Variants in SHISA7 observed in about 807,000 individuals in gnomAD.
The protein encoded by SHISA7 is shisa family member 7.
SHISA7 carries 6 observed loss-of-function variants against 23.9 expected under a neutral mutation model. The observed-to-expected ratio is 0.25, with a 90% confidence interval of 0.14 to 0.50. The LOEUF (loss-of-function observed/expected upper bound fraction) is 0.50. Ranked by LOEUF, SHISA7 falls within the 20% of genes least tolerant of loss-of-function variation. The pLI is 0.98. For synonymous variants in SHISA7, 386 were observed against 398.3 expected (o/e 0.97, Z 0.37); for missense variants, 671 against 801.1 (o/e 0.84, Z 1.96).
At position 55,437,728 on chromosome 19, in the gene SHISA7, G is replaced by C. The variant is rs1013033801; in HGVS notation, c.853C>G (p.Pro285Ala). The stretch of plus-strand genomic sequence containing the variant: ...GACAGCGTGGAGTAGTGCAAGGAGG[G>C]GCTGGGCGGCGGCAAGGCTCGCCAG... ...LDWRALPPPS[P>A]SLHYSTLSCS... The change falls in exon 3 of 4, where the codon CCC (proline) becomes GCC (alanine). Residue 285 changes from proline to alanine, a missense_variant. Coordinates refer to ENST00000376325, the MANE Select transcript of SHISA7 (RefSeq NM_001145176.2). 1 of 1,550,974 alleles carries C rather than the reference G, an allele frequency of 6.4e-7. No individual in the cohort carries two copies. The highest frequency in any genetic ancestry group is 1.2e-5 in the South Asian group (1 of 84,040).
chr19:55,433,398 C>T lies in SHISA7; in HGVS notation c.1375G>A (p.Gly459Arg), dbSNP rs1336491525. 7 of 1,325,638 alleles carry T rather than the reference C, an allele frequency of 5.3e-6. No individual in the cohort carries two copies. Among genetic ancestry groups the T allele is most frequent in the East Asian group, 3.2e-5 (1 of 31,542 alleles). The allele number at this position is 1,325,638 out of a possible 1,614,324, so 82.1% of individuals were successfully genotyped here. ...ASHSNLLLGP[G>R]GPPTPLRGLP... ...CCGCGCAGCGGTGTTGGGGGCCCCC[C>T]GGGCCCCAGCAGCAGGTTGGAGTGC... Residue 459 changes from glycine (G) to arginine (R), a missense_variant, in exon 4 of 4, where the codon GGG becomes AGG. Transcript: ENST00000376325. This position sits in a 1 kb window ranked among gnomAD's most constrained non-coding sequence, Gnocchi z 8.4.
At position 55,433,642 on chromosome 19, in the gene SHISA7, C is replaced by A; in HGVS notation, c.1131G>T (p.Ala377=). ...GGPEELGLAP[A]PNPRRVMSQE... Reference sequence around the variant, plus strand: ...GGGACATGACCCGCCGGGGGTTGGGCGCGGGCGCCAGGCCCAGCTCCTCTG... The same window carrying A: ...GGGACATGACCCGCCGGGGGTTGGGAGCGGGCGCCAGGCCCAGCTCCTCTG... The change falls in exon 4 of 4, where the codon GCG becomes GCT. Residue 377 remains alanine, a synonymous_variant. Coordinates refer to ENST00000376325, the MANE Select transcript of SHISA7 (RefSeq NM_001145176.2). This position sits in a 1 kb window ranked among gnomAD's most constrained non-coding sequence, Gnocchi z 8.4. 6.7e-7 allele frequency: 1 copy of A among 1,489,656 alleles called. No homozygotes were observed. The highest frequency in any genetic ancestry group is 8.9e-7 in the Non-Finnish European group (1 of 1,127,124). The allele number at this position is 1,489,656 out of a possible 1,614,324, so 92.3% of individuals were successfully genotyped here.
At chr19:55,440,823 G>A in intron 1 of SHISA7, 58 bp from the exon 2 acceptor site, 15 of 1,230,478 alleles carry the variant, frequency 1.2e-5, no homozygotes, top group African/African-American at 1.6e-5. Flanking sequence ...AGGGGTACCA[G>A]GAAGGCTTCT....
rs1726592202 is a variant in SHISA7, at chr19:55,430,142, G to A, written c.*3014C>T. 6.6e-6 allele frequency: 1 copy of A among 152,208 alleles called. No individual in the cohort carries two copies. The highest frequency in any genetic ancestry group is 1.5e-5 in the Non-Finnish European group (1 of 68,064). The allele number at this position is 152,208 out of a possible 1,614,324, so 9.4% of individuals were successfully genotyped here. On this transcript the variant is annotated 3_prime_UTR_variant, in exon 4 of 4. Transcript: ENST00000376325. Reference sequence around the variant, plus strand: ...GTGAGGGACAGCGCTGCTGTCAGGAGGGGCCTGGGTGCCTCACCGGGGGGT... The same window carrying A: ...GTGAGGGACAGCGCTGCTGTCAGGAAGGGCCTGGGTGCCTCACCGGGGGGT...
intron 1 of SHISA7, 122 bp from the exon 2 acceptor site, chr19:55,440,887 G>A: frequency 1.0e-6 from 1 of 957,746 alleles, no homozygotes; most frequent in Non-Finnish European, 1.4e-6. Flanking sequence ...TGCCTTTTTC[G>A]CCATTGGCCA....
At position 55,433,121 on chromosome 19, in the gene SHISA7, C is replaced by T. The variant is rs991107747; in HGVS notation, c.*35G>A. On this transcript the variant is annotated 3_prime_UTR_variant, in exon 4 of 4. Transcript: ENST00000376325. The surrounding 1 kb of genome is among the most constrained non-coding windows in gnomAD (Gnocchi z 8.4). ...GGGATCCAGGCTGGGACGGGGGGCC[C>T]GGGAGGCCGCAGCCCCCCAGACCCG... 1.2e-5 allele frequency: 18 copies of T among 1,497,442 alleles called. No homozygotes were observed. The African/African-American group carries it at 1.3e-4, about 11-fold the overall frequency. 92.8% of individuals were successfully genotyped at this position (1,497,442 alleles called of 1,614,324 possible). A position where few individuals can be genotyped will look rare whatever the true frequency, so the allele number is the denominator to read the frequency against.
Position 55,442,736 on chromosome 19 carries a change from A to G in SHISA7, c.128T>C (p.Leu43Pro). ...LPALLAHLRR[L>P]TGALTGGGGA... Reference sequence around the variant, plus strand: ...CCCGCCGCCCGTCAGCGCCCCGGTCAGGCGCCGCAGGTGCGCCAGCAGGGC... The same window carrying G: ...CCCGCCGCCCGTCAGCGCCCCGGTCGGGCGCCGCAGGTGCGCCAGCAGGGC... Residue 43 changes from leucine (L) to proline (P), a missense_variant, in exon 1 of 4, where the codon CTG becomes CCG. Coordinates refer to ENST00000376325, the MANE Select transcript of SHISA7 (RefSeq NM_001145176.2). The G allele has an allele frequency of 9.3e-7, 1 of 1,073,190 alleles. No homozygotes were observed. Among genetic ancestry groups the G allele is most frequent in the Non-Finnish European group, 1.1e-6 (1 of 887,632 alleles). 66.5% of individuals were successfully genotyped at this position (1,073,190 alleles called of 1,614,324 possible). A position where few individuals can be genotyped will look rare whatever the true frequency, so the allele number is the denominator to read the frequency against.
chr19:55,440,852 C>T, intron 1 of SHISA7, 87 bp from the exon 2 acceptor site: 2 of 1,181,046 alleles, frequency 1.7e-6, no homozygotes. Context: ...CCTGCTCTCG[C>T]CCTTGGGTAA....
Position 55,432,827 on chromosome 19 carries a change from C to A in SHISA7, c.*329G>T. ...GACATGGCCTCCAGCGCTGACCTCA[C>A]GGGCCGGCCTCTTCCTCTGTGATGA... On this transcript the variant is annotated 3_prime_UTR_variant, in exon 4 of 4. Coordinates refer to ENST00000376325, the MANE Select transcript of SHISA7 (RefSeq NM_001145176.2). This position sits in a 1 kb window ranked among gnomAD's most constrained non-coding sequence, Gnocchi z 4.6. 3.5e-6 allele frequency: 1 copy of A among 283,420 alleles called. No homozygotes were observed. Among genetic ancestry groups the A allele is most frequent in the Non-Finnish European group, 6.6e-6 (1 of 150,562 alleles). The allele number at this position is 283,420 out of a possible 1,614,324, so 17.6% of individuals were successfully genotyped here.
At position 55,431,470 on chromosome 19, in the gene SHISA7, G is replaced by C. The variant is rs1027517579; in HGVS notation, c.*1686C>G. ...GTTGTGAGGAATCATGGAGGATGGTGACACCATTGGCTATGGGGAGTCTTG... is the reference window on the plus strand; with the variant it reads ...GTTGTGAGGAATCATGGAGGATGGTCACACCATTGGCTATGGGGAGTCTTG... On this transcript the variant is annotated 3_prime_UTR_variant, in exon 4 of 4. Coordinates refer to ENST00000376325, the MANE Select transcript of SHISA7 (RefSeq NM_001145176.2). The C allele has an allele frequency of 6.6e-6, 1 of 152,118 alleles. No homozygotes were observed. The highest frequency in any genetic ancestry group is 1.5e-5 in the Non-Finnish European group (1 of 68,020). The allele number at this position is 152,118 out of a possible 1,614,324, so 9.4% of individuals were successfully genotyped here. A position where few individuals can be genotyped will look rare whatever the true frequency, so the allele number is the denominator to read the frequency against.
At chr19:55,441,499 G>C (rs1036588978) in intron 1 of SHISA7, among the ~76,000 whole-genome samples, 1 of 152,190 alleles carries the variant, frequency 6.6e-6, no homozygotes, top group African/African-American at 2.4e-5. Context: ...GCCTTTGCAC[G>C]CGGTTCCCCT....
rs1599871019 is a variant in SHISA7 at position 55,433,780 on chromosome 19, G to A, written c.993C>T (p.Asp331=). The A allele has an allele frequency of 1.4e-6, 2 of 1,425,846 alleles. No homozygotes were observed. The highest frequency in any genetic ancestry group is 2.9e-5 in the South Asian group (2 of 69,664). 88.3% of individuals were successfully genotyped at this position (1,425,846 alleles called of 1,614,324 possible). ...SLKRLAEKDL[D]EAYLKRRPLE... Reference sequence around the variant, plus strand: ...GGGGCCGGCGCTTCAGGTAGGCCTCGTCCAGATCCTTCTCGGCTGCGGGGA... The same window carrying A: ...GGGGCCGGCGCTTCAGGTAGGCCTCATCCAGATCCTTCTCGGCTGCGGGGA... Residue 331 remains aspartate, a synonymous_variant, in exon 4 of 4, where the codon GAC becomes GAT. Coordinates refer to ENST00000376325, the MANE Select transcript of SHISA7 (RefSeq NM_001145176.2). The surrounding 1 kb of genome is among the most constrained non-coding windows in gnomAD (Gnocchi z 8.4).
rs1247592355 is a variant in SHISA7, at chr19:55,433,736, G to A, written c.1037C>T (p.Thr346Met). The A allele has an allele frequency of 1.4e-6, 2 of 1,466,136 alleles. No individual in the cohort carries two copies. The highest frequency in any genetic ancestry group is 1.8e-6 in the Non-Finnish European group (2 of 1,117,620). 90.8% of individuals were successfully genotyped at this position (1,466,136 alleles called of 1,614,324 possible). A position where few individuals can be genotyped will look rare whatever the true frequency, so the allele number is the denominator to read the frequency against. Residue 346 changes from threonine (T) to methionine (M), a missense_variant, in exon 4 of 4, where the codon ACG becomes ATG. By Grantham distance (81) the Thr-to-Met change is moderately conservative. This residue lies in a region of SHISA7 where 457 missense variants were observed against 488.3 expected (regional missense o/e 0.94). Transcript: ENST00000376325. The surrounding 1 kb of genome is among the most constrained non-coding windows in gnomAD (Gnocchi z 8.4). ...CCGCCGCAGCGCGTGCAGGGGCAGC[G>A]TGCCGCGGGGCAATTCCAGGGGCCG... ...KRRPLELPRG[T>M]LPLHALRRPG... is the part of the protein sequence containing the mutation.
rs1599875426 is a variant in SHISA7, at chr19:55,442,624, C to T, written c.240G>A (p.Glu80=). ...GAAARAPPPA[E]LCHGYYDVMG... is the part of the protein sequence containing the mutation. ...TGACATCGTAGTAGCCGTGGCAGAG[C>T]TCGGCGGGAGGGGGCGCCCGGGCCG... The change falls in exon 1 of 4, where the codon GAG becomes GAA. Residue 80 remains glutamate (E), a synonymous_variant. Coordinates refer to ENST00000376325, the MANE Select transcript of SHISA7 (RefSeq NM_001145176.2). 1 of 1,391,886 alleles carries T rather than the reference C, an allele frequency of 7.2e-7. No individual in the cohort carries two copies. The allele number at this position is 1,391,886 out of a possible 1,614,324, so 86.2% of individuals were successfully genotyped here.
rs1022569581 is a variant in SHISA7 at position 55,442,921 on chromosome 19, T to C, written c.-58A>G. ...GCTGCGGGGAGAACGAGAGCAGAGG[T>C]TGGAGCGCTGGGCGGGAGAGAAACG... On this transcript the variant is annotated 5_prime_UTR_variant, in exon 1 of 4. Transcript: ENST00000376325. 5 of 1,013,136 alleles carry C rather than the reference T, an allele frequency of 4.9e-6. No individual in the cohort carries two copies. The African/African-American group carries it at 7.6e-5, about 15-fold the overall frequency. The allele number at this position is 1,013,136 out of a possible 1,614,324, so 62.8% of individuals were successfully genotyped here.
chr19:55,442,697 G>T lies in SHISA7; in HGVS notation c.167C>A (p.Pro56Gln). 9.7e-7 allele frequency: 1 copy of T among 1,030,804 alleles called. No homozygotes were observed. The highest frequency in any genetic ancestry group is 4.4e-5 in the South Asian group (1 of 22,544). 63.9% of individuals were successfully genotyped at this position (1,030,804 alleles called of 1,614,324 possible). A position where few individuals can be genotyped will look rare whatever the true frequency, so the allele number is the denominator to read the frequency against. The change falls in exon 1 of 4, where the codon CCA becomes CAA. Residue 56 changes from proline to glutamine, a missense_variant. By Grantham distance (76) the Pro-to-Gln change is moderately conservative. Coordinates refer to ENST00000376325, the MANE Select transcript of SHISA7 (RefSeq NM_001145176.2). ...ALTGGGGAAS[P>Q]GANGTRTGPA... Reference sequence around the variant, plus strand: ...GCCGGTCCTGGTGCCGTTGGCGCCTGGGCTCGCCGCGCCCCCGCCGCCCGT... The same window carrying T: ...GCCGGTCCTGGTGCCGTTGGCGCCTTGGCTCGCCGCGCCCCCGCCGCCCGT...
chr19:55,434,782 GGT>G (rs1295337245), intron 3 of SHISA7, among the ~76,000 whole-genome samples: 11 of 119,612 alleles, frequency 9.2e-5, no homozygotes, highest in Non-Finnish European at 1.6e-4. Context: ...GTGTGTGTAT[GGT>G]GTGTGTGGTG....
In SHISA7 at chr19:55,432,053, G is replaced by A. The variant is rs1210528485; in HGVS notation, c.*1103C>T. Reference sequence around the variant, plus strand: ...CTTCCAGAGTGGGCAGTGCCTCTGAGGAGGAAGCTCTGGTGATGCCATCAC... The same window carrying A: ...CTTCCAGAGTGGGCAGTGCCTCTGAAGAGGAAGCTCTGGTGATGCCATCAC... On this transcript the variant is annotated 3_prime_UTR_variant, in exon 4 of 4. Coordinates refer to ENST00000376325, the MANE Select transcript of SHISA7 (RefSeq NM_001145176.2). This position sits in a 1 kb window ranked among gnomAD's most constrained non-coding sequence, Gnocchi z 4.6. 1 of 152,508 alleles carries A rather than the reference G, an allele frequency of 6.6e-6. No homozygotes were observed. Among genetic ancestry groups the A allele is most frequent in the African/African-American group, 2.4e-5 (1 of 41,458 alleles). The allele number at this position is 152,508 out of a possible 1,614,324, so 9.4% of individuals were successfully genotyped here. A position where few individuals can be genotyped will look rare whatever the true frequency, so the allele number is the denominator to read the frequency against.
At chr19:55,440,586 G>A (rs1431929099) in intron 2 of SHISA7, 25 bp downstream of exon 2, 3 of 1,249,428 alleles carry the variant, frequency 2.4e-6, no homozygotes, top group Non-Finnish European at 3.0e-6. Flanking sequence ...GACGGAGGCT[G>A]CGCCGGATCC....
Sources: allele counts gnomAD v4.1 joint callset (sites outside exome capture counted in the v4.1 genomes callset), GRCh38; gene constraint gnomAD v4.1.1; regional missense constraint gnomAD v4.1.1; non-coding constraint Gnocchi (gnomAD v3.1); transcripts MANE v1.5; gene names NCBI Gene and HGNC (gene_info 2026-07-23, HGNC 2026-07-21).